ECD: variants seen among roughly 807,000 people sequenced by gnomAD.
ECD encodes the protein ecdysoneless cell cycle regulator, also known as protein ecdysoneless homolog.
In ECD, 59 loss-of-function variants were observed where a neutral mutation model predicts 77.2. That is an observed-to-expected ratio of 0.76 (90% CI 0.62 to 0.95). The LOEUF is 0.95. Among genes scored for constraint, ECD ranks in the 40% least tolerant of loss-of-function variants. The pLI is 0.00. For synonymous variants in ECD, 233 were observed against 267.4 expected, an observed-to-expected ratio of 0.87 and a Z score of 1.26; for missense variants, 704 against 763.4, an observed-to-expected ratio of 0.92 and a Z score of 0.92.
In ECD at chr10:73,139,451, G is replaced by A. The variant is rs1564659887; in HGVS notation, c.1279C>T (p.Leu427=). 1 of 1,614,114 alleles carries A rather than the reference G, an allele frequency of 6.2e-7. No homozygotes were observed. Among genetic ancestry groups the A allele is most frequent in the African/African-American group, 1.3e-5 (1 of 75,040 alleles). Residue 427 remains leucine (L), a synonymous_variant, in exon 11 of 14, where the codon CTG becomes TTG. Transcript: ENST00000372979. ...DLSPDQLDQL[L]QEAVGKKESE... ...TCTTTTTTGCCAACAGCTTCCTGCAGCAGCTGGTCCAGCTGATCTGGTGAG... is the reference window on the plus strand; with the variant it reads ...TCTTTTTTGCCAACAGCTTCCTGCAACAGCTGGTCCAGCTGATCTGGTGAG...
At chr10:73,160,211 G>C (rs560450483) in intron 3 of ECD, among the ~76,000 whole-genome samples, 5 of 151,436 alleles carry the variant, frequency 3.3e-5, no homozygotes, top group Admixed American at 2.6e-4. Context: ...GCTTGAACCC[G>C]GAAGGTGAAG....
chr10:73,160,366 A>T, intron 3 of ECD, 68 bp downstream of exon 3: 1 of 1,047,388 alleles, frequency 9.5e-7, no homozygotes, highest in Non-Finnish European at 1.4e-6. Flanking sequence ...ATTACTAAAT[A>T]GATAAAAATG....
intron 9 of ECD, among the ~76,000 whole-genome samples, chr10:73,141,772 A>G (rs1486985811): frequency 6.6e-6 from 1 of 152,184 alleles, no homozygotes; most frequent in Non-Finnish European, 1.5e-5. Flanking sequence ...CAGAGTAGAG[A>G]CAGTTCCCCA....
At chr10:73,147,178 G>A (rs1843141300) in intron 8 of ECD, among the ~76,000 whole-genome samples, 2 of 152,098 alleles carry the variant, frequency 1.3e-5, no homozygotes, top group Admixed American at 6.6e-5. Flanking sequence ...CTAGGAGATC[G>A]AGGCTGCAGT....
At chr10:73,156,168 T>C (rs995045464) in intron 5 of ECD, 107 bp downstream of exon 5, 61 of 1,003,426 alleles carry the variant, frequency 6.1e-5, no homozygotes, top group Non-Finnish European at 7.5e-5. Context: ...GAAAGACTGA[T>C]CAACTCCAAC....
intron 8 of ECD, 48 bp from the exon 9 acceptor site, chr10:73,146,409 TG>T: frequency 7.4e-7 from 1 of 1,359,988 alleles, no homozygotes; most frequent in African/African-American, 1.5e-5. Flanking sequence ...CAAGTTGTCA[TG>T]AAAAAAATGT....
chr10:73,157,270 G>A (rs1006610996), intron 3 of ECD, among the ~76,000 whole-genome samples: 3 of 151,166 alleles, frequency 2.0e-5, no homozygotes, highest in Admixed American at 6.6e-5. Context: ...GGCTGGTCTC[G>A]AACTCCTGAC....
At chr10:73,139,010 G>A (rs908268482) in intron 11 of ECD, among the ~76,000 whole-genome samples, 18 of 152,114 alleles carry the variant, frequency 1.2e-4, no homozygotes, top group African/African-American at 4.1e-4. Flanking sequence ...TGAACTTGTT[G>A]AAAGTTAAAT....
rs184470964 is a variant in ECD at position 73,158,352 on chromosome 10, G to A, written c.324-1697C>T. Among the ~76,000 whole-genome samples, 16 of 152,194 alleles carry A rather than the reference G, an allele frequency of 1.1e-4. No homozygotes were observed. The East Asian group carries it at 2.1e-3, about 20-fold the overall frequency. Reference sequence around the variant, plus strand: ...AAAATAAGTATGTGAAGTAATGTACGTTATGAGCTCAATTCAGCCATCCTA... The same window carrying A: ...AAAATAAGTATGTGAAGTAATGTACATTATGAGCTCAATTCAGCCATCCTA... On this transcript the variant is annotated intron_variant, in intron 3 of 13. Transcript: ENST00000372979.
intron 1 of ECD, among the ~76,000 whole-genome samples, chr10:73,164,276 T>C (rs1465188792): frequency 6.6e-6 from 1 of 150,442 alleles, no homozygotes; most frequent in Non-Finnish European, 1.5e-5. Context: ...CACTTGAACC[T>C]AGGAGGCAGA....
chr10:73,156,600 T>C lies in ECD; in HGVS notation c.379A>G (p.Lys127Glu), dbSNP rs371218919. 1.5e-5 allele frequency: 25 copies of C among 1,614,186 alleles called. No homozygotes were observed. The highest frequency in any genetic ancestry group is 2.0e-5 in the Non-Finnish European group (24 of 1,180,044). The part of the protein sequence containing the change: ...LLIEAADFLP[K>E]WLDPENSTNR... The stretch of plus-strand genomic sequence containing the variant: ...GTGCTATTTTCAGGATCCAGCCATT[T>C]AGGGAGAAAGTCAGCAGCTTCTATT... Residue 127 changes from lysine to glutamate, a missense_variant, in exon 4 of 14, where the codon AAA becomes GAA. Physicochemically the swap from Lys to Glu is moderately conservative, Grantham distance 56 (BLOSUM62 1). This residue lies in a region of ECD where 559 missense variants were observed against 583.7 expected (regional missense o/e 0.96). Coordinates refer to ENST00000372979, the MANE Select transcript of ECD (RefSeq NM_007265.3).
chr10:73,142,258 C>T (rs569441140), intron 9 of ECD, among the ~76,000 whole-genome samples: 1 of 152,124 alleles, frequency 6.6e-6, no homozygotes, highest in South Asian at 2.1e-4. Flanking sequence ...ATTCACCCAT[C>T]TCGGTCTCCC....
intron 1 of ECD, among the ~76,000 whole-genome samples, chr10:73,166,191 T>C (rs1452544089): frequency 1.3e-5 from 2 of 152,138 alleles, no homozygotes; most frequent in Admixed American, 1.3e-4. Flanking sequence ...AAGCACTCCA[T>C]TGTGTGTATG....
At position 73,163,781 on chromosome 10, in the gene ECD, AG is replaced by A; in HGVS notation, c.156del (p.Tyr53ThrfsTer26). 1 of 1,614,140 alleles carries A rather than the reference AG, an allele frequency of 6.2e-7. No individual in the cohort carries two copies. The highest frequency in any genetic ancestry group is 8.5e-7 in the Non-Finnish European group (1 of 1,180,034). ...IITRFAPMLVPYIWQNQPFNL... is the reference protein window; with the variant it reads ...IITRFAPMLVXYIWQNQPFNL... ...TTGAAAGGCTGATTCTGCCAGATGT[AG>A]GGGACCAGCATAGGTGCAAACCGAG... On this transcript the variant is annotated frameshift_variant, in exon 2 of 14. Coordinates refer to ENST00000372979, the MANE Select transcript of ECD (RefSeq NM_007265.3). LOFTEE classifies it high-confidence loss of function.
chr10:73,154,576 G>A, intron 5 of ECD, 128 bp from the exon 6 acceptor site: 6 of 836,890 alleles, frequency 7.2e-6, no homozygotes, highest in African/African-American at 1.7e-5. Context: ...CAAGAGAGAT[G>A]AAAAAAGATA....
intron 12 of ECD, among the ~76,000 whole-genome samples, chr10:73,137,150 A>G (rs1481604625): frequency 6.9e-6 from 1 of 144,288 alleles, no homozygotes; most frequent in Non-Finnish European, 1.5e-5. Flanking sequence ...CAAAAGATTT[A>G]GCTTAAAAAA....
At chr10:73,147,495 A>C (rs558163506) in intron 8 of ECD, among the ~76,000 whole-genome samples, 1 of 152,178 alleles carries the variant, frequency 6.6e-6, no homozygotes, top group Admixed American at 6.5e-5. Context: ...GGTTGTAGTG[A>C]GCCAAGATTG....
chr10:73,163,778 T>C lies in ECD; in HGVS notation c.160A>G (p.Ile54Val), dbSNP rs776376702. Reference protein sequence around the residue: ...TRFAPMLVPYIWQNQPFNLKY... With the variant: ...TRFAPMLVPYVWQNQPFNLKY... ...AGATTGAAAGGCTGATTCTGCCAGA[T>C]GTAGGGGACCAGCATAGGTGCAAAC... The change falls in exon 2 of 14, where the codon ATC becomes GTC. Residue 54 changes from isoleucine (I) to valine (V), a missense_variant. Coordinates refer to ENST00000372979, the MANE Select transcript of ECD (RefSeq NM_007265.3). 2.5e-6 allele frequency: 4 copies of C among 1,614,062 alleles called. No individual in the cohort carries two copies. The highest frequency in any genetic ancestry group is 2.5e-6 in the Non-Finnish European group (3 of 1,180,038).
rs1012516024 is a variant in ECD, at chr10:73,146,202, T to C, written c.1127+74A>G. The C allele has an allele frequency of 8.4e-6, 6 of 716,936 alleles. 1 individual carries two copies. The Admixed American group carries it at 1.7e-4, about 20-fold the overall frequency. 44.4% of individuals were successfully genotyped at this position (716,936 alleles called of 1,614,324 possible). A position where few individuals can be genotyped will look rare whatever the true frequency, so the allele number is the denominator to read the frequency against. On this transcript the variant is annotated intron_variant, in intron 9 of 13. Transcript: ENST00000372979. The stretch of plus-strand genomic sequence containing the variant: ...CAAAAAAATAAATAAATAAGAATAA[T>C]AAATAATAAATAAAAAATAAAAAGA...
Sources: gnomAD v4.1 joint callset for allele counts (sites outside exome capture counted in the v4.1 genomes callset) on GRCh38, gnomAD v4.1.1 for gene constraint, gnomAD v4.1.1 regional missense constraint, MANE v1.5 for transcripts, NCBI Gene and HGNC (gene_info 2026-07-23, HGNC 2026-07-21) for gene names.